Variants in EEF1AKMT1 observed in about 807,000 individuals in gnomAD.
EEF1AKMT1 encodes N-6 adenine-specific DNA methyltransferase 2 (putative).
Under a neutral mutation model 21.0 loss-of-function variants are expected in EEF1AKMT1, and 18 were observed. That is an observed-to-expected ratio of 0.86 (90% CI 0.59 to 1.27). The LOEUF (loss-of-function observed/expected upper bound fraction) is 1.27, where lower values mean the gene tolerates loss of function less well. EEF1AKMT1 is among the 50% of genes most tolerant of loss of function. The probability of loss-of-function intolerance (pLI) is 0.00; values close to 1 mark genes in which losing one functional copy is unlikely to be tolerated. For missense variants in EEF1AKMT1, 246 were observed against 258.6 expected, an observed-to-expected ratio of 0.95 and a Z score of 0.33; for synonymous variants, 109 against 94.8, an observed-to-expected ratio of 1.15 and a Z score of -0.87.
chr13:20,729,020 C>T lies in EEF1AKMT1; in HGVS notation c.*60G>A, dbSNP rs1035705829. 2.6e-5 allele frequency: 41 copies of T among 1,605,040 alleles called. No homozygotes were observed. Among genetic ancestry groups the T allele is most frequent in the Non-Finnish European group, 2.9e-5 (34 of 1,172,726 alleles). The stretch of plus-strand genomic sequence containing the variant: ...GAGATTATAACTTTTAAATCTACTA[C>T]GAAAATACAAAAAGAGGAATGTGAC... On this transcript the variant is annotated 3_prime_UTR_variant, in exon 5 of 5. Coordinates refer to ENST00000382758, the MANE Select transcript of EEF1AKMT1 (RefSeq NM_001318939.2).
At chr13:20,750,796 T>C (rs368246306) in intron 2 of EEF1AKMT1, among the ~76,000 whole-genome samples, 1 of 152,214 alleles carries the variant, frequency 6.6e-6, no homozygotes, top group Non-Finnish European at 1.5e-5. Flanking sequence ...TAATTTACAT[T>C]CCCACCAACG....
chr13:20,745,842 C>A (rs188854219), intron 2 of EEF1AKMT1, among the ~76,000 whole-genome samples: 38 of 151,698 alleles, frequency 2.5e-4, no homozygotes, highest in Admixed American at 2.4e-3. Flanking sequence ...AGCGAGACTA[C>A]ATCTCGAAAA....
chr13:20,760,547 G>A (rs879729614), intron 1 of EEF1AKMT1, among the ~76,000 whole-genome samples: 4 of 152,002 alleles, frequency 2.6e-5, no homozygotes, highest in African/African-American at 7.2e-5. Flanking sequence ...GAGAGGAGCC[G>A]GGAAGAGTGG....
At chr13:20,739,120 C>T (rs928725847) in intron 2 of EEF1AKMT1, among the ~76,000 whole-genome samples, 4 of 152,172 alleles carry the variant, frequency 2.6e-5, no homozygotes, top group Admixed American at 6.5e-5. Flanking sequence ...AAGAGGATTA[C>T]AACTCCTAAG....
intron 4 of EEF1AKMT1, among the ~76,000 whole-genome samples, chr13:20,729,499 C>T (rs1456436118): frequency 6.6e-6 from 1 of 151,982 alleles, no homozygotes; most frequent in Non-Finnish European, 1.5e-5. Context: ...CACACACACA[C>T]ACACACACGT....
At position 20,732,046 on chromosome 13, in the gene EEF1AKMT1, G is replaced by T. The variant is rs1264205195; in HGVS notation, c.303C>A (p.Ile101=). The change falls in exon 4 of 5, where the codon ATC becomes ATA. Residue 101 remains isoleucine, a synonymous_variant. Transcript: ENST00000382758. ...ELCRENFSIY[I]FEYDKRFAMY... ...TGGCAAATCTTTTGTCATATTCAAA[G>T]ATGTATATCGAAAAGTTTTCTCTGC... 2 of 1,614,150 alleles carry T rather than the reference G, an allele frequency of 1.2e-6. No homozygotes were observed. The highest frequency in any genetic ancestry group is 1.1e-5 in the South Asian group (1 of 91,080).
chr13:20,764,304 A>G (rs904172956), intron 1 of EEF1AKMT1, among the ~76,000 whole-genome samples: 7 of 152,114 alleles, frequency 4.6e-5, no homozygotes, highest in African/African-American at 1.2e-4. Flanking sequence ...TCTCTGGCCC[A>G]TATATTTAGA....
In EEF1AKMT1 at chr13:20,757,579, T is replaced by C. The variant is rs765170995; in HGVS notation, c.20A>G (p.Asp7Gly). Residue 7 changes from aspartate to glycine, a missense_variant, in exon 2 of 5, where the codon GAT becomes GGT. Physicochemically the swap from Asp to Gly is moderately conservative, Grantham distance 94 (BLOSUM62 -1). Transcript: ENST00000382758. Reference sequence around the variant, plus strand: ...ATGGGCAGAAAGCTGGGGTGTCTCATCATCTTCCAAATCACTCATTTCACA... The same window carrying C: ...ATGGGCAGAAAGCTGGGGTGTCTCACCATCTTCCAAATCACTCATTTCACA... MSDLED[D>G]ETPQLSAHAL... is the part of the protein sequence containing the mutation. 3 of 1,613,996 alleles carry C rather than the reference T, an allele frequency of 1.9e-6. No homozygotes were observed. The highest frequency in any genetic ancestry group is 2.5e-6 in the Non-Finnish European group (3 of 1,179,878).
chr13:20,728,873 T>C lies in EEF1AKMT1; in HGVS notation c.*207A>G, dbSNP rs574642576. The C allele has an allele frequency of 6.7e-6, 4 of 595,464 alleles. No homozygotes were observed. The East Asian group carries it at 1.2e-4, about 17-fold the overall frequency. The allele number at this position is 595,464 out of a possible 1,614,324, so 36.9% of individuals were successfully genotyped here. ...AAGGTTTCTTCCAACTCGAATTCCATGGATTCAGGTTGGCAGAAGACTGAG... is the reference window on the plus strand; with the variant it reads ...AAGGTTTCTTCCAACTCGAATTCCACGGATTCAGGTTGGCAGAAGACTGAG... On this transcript the variant is annotated 3_prime_UTR_variant, in exon 5 of 5. Transcript: ENST00000382758.
chr13:20,767,496 TAA>T (rs1245118646), intron 1 of EEF1AKMT1, among the ~76,000 whole-genome samples: 2 of 152,046 alleles, frequency 1.3e-5, no homozygotes, highest in Non-Finnish European at 2.9e-5. Flanking sequence ...TTTGGTATTT[TAA>T]AGATAGTCCT....
intron 3 of EEF1AKMT1, among the ~76,000 whole-genome samples, chr13:20,736,415 C>G (rs61324350): frequency 0.069 from 10,557 of 152,134 alleles, 1,105 homozygotes; most frequent in African/African-American, 0.22. Flanking sequence ...TTTTCTGTAG[C>G]AGCTATCGGA....
intron 1 of EEF1AKMT1, among the ~76,000 whole-genome samples, chr13:20,759,298 G>A (rs766498963): frequency 3.3e-5 from 5 of 152,174 alleles, no homozygotes; most frequent in African/African-American, 7.2e-5. Context: ...AACTTAAATC[G>A]GCCGGGCGCC....
At chr13:20,741,583 A>C (rs2058871877) in intron 2 of EEF1AKMT1, among the ~76,000 whole-genome samples, 1 of 150,546 alleles carries the variant, frequency 6.6e-6, no homozygotes, top group East Asian at 2.0e-4. Flanking sequence ...CAGCCTCCCG[A>C]GTAGCTGGGA....
chr13:20,729,081 C>T lies in EEF1AKMT1; in HGVS notation c.644G>A (p.Ter215=). The stretch of plus-strand genomic sequence containing the variant: ...CCTGTGTTATGTCACCGTCTGTAAT[C>T]AGATCCCACAGTCCAGCCCAGAATC... ...NYDSGLDCGI[*] Residue 215 remains the stop codon, a stop_retained_variant, in exon 5 of 5, where the codon TGA becomes TAA. Coordinates refer to ENST00000382758, the MANE Select transcript of EEF1AKMT1 (RefSeq NM_001318939.2). 1.2e-6 allele frequency: 2 copies of T among 1,614,160 alleles called. No individual in the cohort carries two copies. The highest frequency in any genetic ancestry group is 1.7e-6 in the Non-Finnish European group (2 of 1,180,018).
intron 3 of EEF1AKMT1, among the ~76,000 whole-genome samples, chr13:20,733,598 A>G (rs1300810671): frequency 2.6e-5 from 4 of 152,202 alleles, no homozygotes; most frequent in African/African-American, 9.6e-5. Flanking sequence ...ATGATCTCTG[A>G]GATCTATTCA....
In EEF1AKMT1 at chr13:20,731,838, T is replaced by C. The variant is rs371451907; in HGVS notation, c.508+3A>G. 1 of 1,610,936 alleles carries C rather than the reference T, an allele frequency of 6.2e-7. No individual in the cohort carries two copies. The highest frequency in any genetic ancestry group is 8.5e-7 in the Non-Finnish European group (1 of 1,177,628). On this transcript the variant is annotated splice_donor_region_variant and intron_variant, in intron 4 of 4. Transcript: ENST00000382758. Reference sequence around the variant, plus strand: ...TTGATGAGATATGAAATGCAGCACCTACCTGTGCACAGCAGAATCTTGCCC... The same window carrying C: ...TTGATGAGATATGAAATGCAGCACCCACCTGTGCACAGCAGAATCTTGCCC...
At position 20,737,823 on chromosome 13, in the gene EEF1AKMT1, G is replaced by A. The variant is rs778980138; in HGVS notation, c.145-18C>T. 3.1e-6 allele frequency: 5 copies of A among 1,590,544 alleles called. No homozygotes were observed. Among genetic ancestry groups the A allele is most frequent in the Middle Eastern group, 3.3e-4 (2 of 6,010 alleles). On this transcript the variant is annotated intron_variant, in intron 2 of 4. Transcript: ENST00000382758. ...CTCAGTTGCTGTAACCGAGAAATAG[G>A]TTGATAGCATTTTAGAACTGGCATA...
intron 2 of EEF1AKMT1, among the ~76,000 whole-genome samples, chr13:20,746,572 G>A (rs936400500): frequency 2.0e-5 from 3 of 152,154 alleles, no homozygotes; most frequent in Non-Finnish European, 2.9e-5. Context: ...ACTTGATTTC[G>A]GAGGTGGCAG....
At chr13:20,733,090 T>C (rs1451131463) in intron 3 of EEF1AKMT1, among the ~76,000 whole-genome samples, 2 of 134,552 alleles carry the variant, frequency 1.5e-5, no homozygotes, top group African/African-American at 2.7e-5. Flanking sequence ...TTGACTGTGA[T>C]ACACTTTTTT....
Sources: allele counts gnomAD v4.1 joint callset (sites outside exome capture counted in the v4.1 genomes callset), GRCh38; gene constraint gnomAD v4.1.1; transcripts MANE v1.5; gene names NCBI Gene and HGNC (gene_info 2026-07-23, HGNC 2026-07-21).